SRGAP2C: variants seen among roughly 807,000 people sequenced by gnomAD.
SRGAP2C encodes SLIT-ROBO Rho GTPase-activating protein 2C.
In SRGAP2C, 15 loss-of-function variants were observed where a neutral mutation model predicts 25.1. That is an observed-to-expected ratio of 0.60 (90% CI 0.40 to 0.92). The LOEUF is 0.92. SRGAP2C is among the 40% of genes least tolerant of loss of function. The pLI, the probability that SRGAP2C is intolerant of heterozygous loss-of-function variation, is 0.00. For synonymous variants in SRGAP2C, 44 were observed against 96.6 expected (o/e 0.46, Z 3.19); for missense variants, 144 against 264.4 (o/e 0.54, Z 3.16).
chr1:121,292,846 G>A (rs1413437173), intron 3 of SRGAP2C, among the ~76,000 whole-genome samples: 1 of 79,060 alleles, frequency 1.3e-5, no homozygotes, highest in Non-Finnish European at 2.5e-5. Flanking sequence ...TATTGTTCTG[G>A]GTGACTATAA....
At chr1:121,246,752 TA>T (rs1416460892) in intron 2 of SRGAP2C, among the ~76,000 whole-genome samples, 2 of 104,290 alleles carry the variant, frequency 1.9e-5, no homozygotes, top group African/African-American at 7.8e-5. Context: ...ATGGTGAAAC[TA>T]AAAAGCTGAA....
chr1:121,301,051 C>A (rs1657691441), intron 3 of SRGAP2C, among the ~76,000 whole-genome samples: 1 of 73,638 alleles, frequency 1.4e-5, no homozygotes, highest in Non-Finnish European at 2.7e-5. Flanking sequence ...CAAAAAAAAA[C>A]AACAACAAAA....
chr1:121,322,242 G>A (rs1402067568), intron 3 of SRGAP2C, among the ~76,000 whole-genome samples: 2 of 143,960 alleles, frequency 1.4e-5, no homozygotes, highest in African/African-American at 5.4e-5. Flanking sequence ...GAGGACATGG[G>A]TATCTTGCCG....
intron 2 of SRGAP2C, among the ~76,000 whole-genome samples, chr1:121,230,639 ACTCT>A (rs1452458380): frequency 2.0e-5 from 3 of 149,732 alleles, no homozygotes; most frequent in Non-Finnish European, 4.4e-5. Flanking sequence ...TGCATGGCTC[ACTCT>A]CTCACTGCTT....
intron 3 of SRGAP2C, among the ~76,000 whole-genome samples, chr1:121,321,181 CTGGGTCT>C (rs1166063274): frequency 7.0e-6 from 1 of 141,948 alleles, no homozygotes; most frequent in African/African-American, 2.7e-5. Context: ...AAACTGGGTC[CTGGGTCT>C]CTTGCTCATG....
chr1:121,320,834 T>C lies in SRGAP2C; in HGVS notation c.261-3644T>C, dbSNP rs1553341048. 4.5e-3 allele frequency among the ~76,000 whole-genome samples: 686 copies of C among 152,086 alleles called. 8 individuals carry two copies. Among genetic ancestry groups the C allele is most frequent in the African/African-American group, 0.015 (635 of 41,498 alleles). On this transcript the variant is annotated intron_variant, in intron 3 of 9. Coordinates refer to ENST00000367123, the MANE Select transcript of SRGAP2C (RefSeq NM_001329984.2). ...TAAGCCCCAACATGTATAATAGGCA[T>C]CGCAACAACTGATGATGAGATGGTA... is the stretch of plus-strand genomic sequence containing the variant.
At chr1:121,201,491 G>A (rs1246473244) in intron 2 of SRGAP2C, among the ~76,000 whole-genome samples, 7 of 151,966 alleles carry the variant, frequency 4.6e-5, no homozygotes, top group Non-Finnish European at 8.8e-5. Context: ...TAATCATTAA[G>A]CAGAGACAGA....
At chr1:121,275,043 C>A (rs1232635911) in intron 2 of SRGAP2C, among the ~76,000 whole-genome samples, 1 of 150,160 alleles carries the variant, frequency 6.7e-6, no homozygotes, top group Non-Finnish European at 1.5e-5. Flanking sequence ...GTTTAAATCC[C>A]CCCCACCCAA....
At chr1:121,378,003 TAGTG>T (rs1377057753) in intron 7 of SRGAP2C, among the ~76,000 whole-genome samples, 2 of 152,122 alleles carry the variant, frequency 1.3e-5, no homozygotes, top group African/African-American at 4.8e-5. Flanking sequence ...AAAAAAGTGT[TAGTG>T]AGCCATTGTA....
intron 4 of SRGAP2C, among the ~76,000 whole-genome samples, chr1:121,356,989 C>G (rs1349804786): frequency 6.6e-6 from 1 of 150,528 alleles, no homozygotes; most frequent in Non-Finnish European, 1.5e-5. Context: ...ACCCTGAACT[C>G]CCCTGAACTC....
intron 3 of SRGAP2C, among the ~76,000 whole-genome samples, chr1:121,285,683 G>T: frequency 7.0e-6 from 1 of 143,882 alleles, no homozygotes; most frequent in East Asian, 2.0e-4. Flanking sequence ...AATGATTGCA[G>T]TATTTACTAT....
At chr1:121,314,868 C>A (rs1553340416) in intron 3 of SRGAP2C, 12 of 561,194 alleles carry the variant, frequency 2.1e-5, no homozygotes, top group African/African-American at 7.8e-5. Context: ...TCTTCTGTGT[C>A]GCTCACGCTG....
At chr1:121,260,619 G>A (rs1489156912) in intron 2 of SRGAP2C, among the ~76,000 whole-genome samples, 1 of 140,172 alleles carries the variant, frequency 7.1e-6, no homozygotes, top group Admixed American at 7.4e-5. Flanking sequence ...ATCTTTCTAA[G>A]AATTGAGGGG....
chr1:121,374,719 G>A (rs1248310065), intron 6 of SRGAP2C, 107 bp from the exon 7 acceptor site: 2 of 644,072 alleles, frequency 3.1e-6, no homozygotes, highest in Non-Finnish European at 5.7e-6. Flanking sequence ...TGCGCATAGG[G>A]AGTAGCAACA....
chr1:121,322,426 T>C (rs1322822574), intron 3 of SRGAP2C, among the ~76,000 whole-genome samples: 2,879 of 125,180 alleles, frequency 0.023, 104 homozygotes, highest in African/African-American at 0.093. Flanking sequence ...CACTTTTTTT[T>C]CCCCAGATAC....
chr1:121,211,416 T>TACACACACAC (rs200891136), intron 2 of SRGAP2C, among the ~76,000 whole-genome samples: 1 of 130,204 alleles, frequency 7.7e-6, no homozygotes, highest in East Asian at 2.8e-4. Flanking sequence ...TATATACACA[T>TACACACACAC]ACACACACAC....
intron 2 of SRGAP2C, among the ~76,000 whole-genome samples, chr1:121,191,713 T>C (rs1241869945): frequency 2.6e-5 from 4 of 152,008 alleles, no homozygotes; most frequent in African/African-American, 9.7e-5. Context: ...GTCCCAGCTA[T>C]TGTTCTTTCC....
chr1:121,206,197 C>G lies in SRGAP2C; in HGVS notation c.67+18684C>G, dbSNP rs192498367. Among the ~76,000 whole-genome samples the G allele has an allele frequency of 3.3e-5, 5 of 152,026 alleles. No homozygotes were observed. The South Asian group carries it at 8.3e-4, about 25-fold the overall frequency. Reference sequence around the variant, plus strand: ...ATGGTTTTATCCACCCTCACCCCCACCCCCATGCTCCTTCCCCCAGACTAC... The same window carrying G: ...ATGGTTTTATCCACCCTCACCCCCAGCCCCATGCTCCTTCCCCCAGACTAC... On this transcript the variant is annotated intron_variant, in intron 2 of 9. Coordinates refer to ENST00000367123, the MANE Select transcript of SRGAP2C (RefSeq NM_001329984.2).
At chr1:121,335,137 A>C (rs1658483190) in intron 4 of SRGAP2C, among the ~76,000 whole-genome samples, 2 of 150,254 alleles carry the variant, frequency 1.3e-5, no homozygotes, top group Admixed American at 1.3e-4. Context: ...TACTAAAAAT[A>C]CAAAAATTAG....
Sources: gnomAD v4.1 joint callset for allele counts (sites outside exome capture counted in the v4.1 genomes callset) on GRCh38, gnomAD v4.1.1 for gene constraint, MANE v1.5 for transcripts, NCBI Gene and HGNC (gene_info 2026-07-23, HGNC 2026-07-21) for gene names.